Variants in DGKQ observed in about 807,000 individuals in gnomAD.
DGKQ encodes the protein diacylglycerol kinase theta, also known as DAG kinase theta.
DGKQ carries 97 observed loss-of-function variants against 104.2 expected under a neutral mutation model. The observed-to-expected ratio is 0.93, with a 90% confidence interval of 0.79 to 1.10. The LOEUF is 1.10. Among genes scored for constraint, DGKQ ranks in the 50% least tolerant of loss-of-function variants. The pLI is 0.00. For missense variants in DGKQ, 1,465 were observed against 1,352.1 expected (o/e 1.08, Z -1.31); for synonymous variants, 736 against 595.2 (o/e 1.24, Z -3.44).
At chr4:964,527 C>T (rs763403098) in intron 15 of DGKQ, among the ~76,000 whole-genome samples, 20 of 148,358 alleles carry the variant, frequency 1.3e-4, no homozygotes, top group Non-Finnish European at 2.7e-4. Context: ...ACGGACCAGA[C>T]CCCCGTTCCC....
intron 5 of DGKQ, 79 bp downstream of exon 5, chr4:968,203 A>T (rs1288893965): frequency 1.9e-6 from 1 of 522,852 alleles, no homozygotes; most frequent in African/African-American, 2.9e-5. Context: ...CGCCCCGCCA[A>T]CTCCTCCACC....
Position 960,730 on chromosome 4 carries a change from G to A in DGKQ, c.2728-9C>T, listed in dbSNP as rs765701087. ...TTCCTCAGCATGTGCACCTGTCCCA[G>A]GGCAGGGGACAGAGGACCAGGGTGA... On this transcript the variant is annotated splice_polypyrimidine_tract_variant and intron_variant, in intron 22 of 22. Coordinates refer to ENST00000273814, the MANE Select transcript of DGKQ (RefSeq NM_001347.4). 2 of 1,611,212 alleles carry A rather than the reference G, an allele frequency of 1.2e-6. No homozygotes were observed. The highest frequency in any genetic ancestry group is 8.5e-7 in the Non-Finnish European group (1 of 1,179,346).
intron 2 of DGKQ, among the ~76,000 whole-genome samples, chr4:969,738 T>C (rs188440081): frequency 0.025 from 3,728 of 151,574 alleles, 70 homozygotes; most frequent in Middle Eastern, 0.1. Context: ...GCCTCCCGAG[T>C]AGCTGGGACT....
chr4:967,061 G>A lies in DGKQ; in HGVS notation c.1221-7C>T. 1 of 1,551,360 alleles carries A rather than the reference G, an allele frequency of 6.4e-7. No homozygotes were observed. The highest frequency in any genetic ancestry group is 8.7e-7 in the Non-Finnish European group (1 of 1,147,224). The stretch of plus-strand genomic sequence containing the variant: ...CACGTAGGCCACGCCCACCCTGTGG[G>A]GACACAGTCTGAGCTGGAGCTCCCC... On this transcript the variant is annotated splice_region_variant and splice_polypyrimidine_tract_variant and intron_variant, in intron 9 of 22. Transcript: ENST00000273814.
chr4:967,199 G>A lies in DGKQ; in HGVS notation c.1150C>T (p.Pro384Ser), dbSNP rs1457195767. Reference sequence around the variant, plus strand: ...AGAGCCCGGATGACCCAGGCCTCTGGCGTGGCCTCGCCGGACCCGGGGCTT... The same window carrying A: ...AGAGCCCGGATGACCCAGGCCTCTGACGTGGCCTCGCCGGACCCGGGGCTT... The part of the protein sequence containing the change: ...GRSPGSGEAT[P>S]EAWVIRALPR... Residue 384 changes from proline to serine, a missense_variant, in exon 9 of 23, where the codon CCA (proline) becomes TCA (serine). Pro to Ser is a moderately conservative substitution (Grantham distance 74). Coordinates refer to ENST00000273814, the MANE Select transcript of DGKQ (RefSeq NM_001347.4). 7.5e-6 allele frequency: 12 copies of A among 1,593,222 alleles called. No homozygotes were observed. In the African/African-American group the frequency reaches 1.5e-4, roughly 20 times the overall value.
At position 967,822 on chromosome 4, in the gene DGKQ, ACCCCT is replaced by A. The variant is rs1712539854; in HGVS notation, c.812-25_812-21del. 1 of 1,576,656 alleles carries A rather than the reference ACCCCT, an allele frequency of 6.3e-7. No individual in the cohort carries two copies. Among genetic ancestry groups the A allele is most frequent in the Non-Finnish European group, 8.6e-7 (1 of 1,163,368 alleles). ...CCTCGCCTGCGGGTCGGGCACACGG[ACCCCT>A]CATTCAGTGCGCAGCCCCCAGCCCA... On this transcript the variant is annotated intron_variant, in intron 6 of 22. Coordinates refer to ENST00000273814, the MANE Select transcript of DGKQ (RefSeq NM_001347.4).
Position 967,121 on chromosome 4 carries a change from A to G in DGKQ, c.1220+8T>C, listed in dbSNP as rs1712433856. 6.4e-7 allele frequency: 1 copy of G among 1,573,530 alleles called. No individual in the cohort carries two copies. The highest frequency in any genetic ancestry group is 8.6e-7 in the Non-Finnish European group (1 of 1,158,012). ...CCAGCAGACCCTGAGCCTCGGGCCC[A>G]GTCTCACTTGAGCCAGCCAGGGTAG... On this transcript the variant is annotated splice_region_variant and intron_variant, in intron 9 of 22. Coordinates refer to ENST00000273814, the MANE Select transcript of DGKQ (RefSeq NM_001347.4).
Position 968,504 on chromosome 4 carries a change from C to T in DGKQ, c.512G>A (p.Cys171Tyr). 1 of 1,608,434 alleles carries T rather than the reference C, an allele frequency of 6.2e-7. No homozygotes were observed. The highest frequency in any genetic ancestry group is 8.5e-7 in the Non-Finnish European group (1 of 1,178,040). ...VPFACSDCRQ[C>Y]HQDGHQDHDT... ...GTGATCCTGGTGCCCATCCTGGTGG[C>T]ACTGGCGGCAGTCACTGCAGGCGAA... Residue 171 changes from cysteine to tyrosine, a missense_variant, in exon 4 of 23, where the codon TGC becomes TAC. Physicochemically the swap from Cys to Tyr is radical, Grantham distance 194. Coordinates refer to ENST00000273814, the MANE Select transcript of DGKQ (RefSeq NM_001347.4).
chr4:973,323 C>G lies in DGKQ; in HGVS notation c.160G>C (p.Gly54Arg). 6.9e-7 allele frequency: 1 copy of G among 1,447,376 alleles called. No homozygotes were observed. The highest frequency in any genetic ancestry group is 1.4e-5 in the South Asian group (1 of 73,508). The allele number at this position is 1,447,376 out of a possible 1,614,324, so 89.7% of individuals were successfully genotyped here. The stretch of plus-strand genomic sequence containing the variant: ...CTGTGTCCCGGCGCGGCAGCGGGGC[C>G]CGGGGCTCTGACGCCCGCCCGCTCG... ...GPERAGVRAPGPAAAPGHSFR... is the reference protein window; with the variant it reads ...GPERAGVRAPRPAAAPGHSFR... Residue 54 changes from glycine (G) to arginine (R), a missense_variant, in exon 1 of 23, where the codon GGC becomes CGC. Coordinates refer to ENST00000273814, the MANE Select transcript of DGKQ (RefSeq NM_001347.4).
At chr4:961,244 C>A in intron 21 of DGKQ, 43 bp from the exon 22 acceptor site, 2 of 1,469,084 alleles carry the variant, frequency 1.4e-6, no homozygotes, top group Non-Finnish European at 1.8e-6. Flanking sequence ...GGATCAGGGA[C>A]GCCCACCGCT....
At chr4:965,668 C>T in intron 13 of DGKQ, 139 bp from the exon 14 acceptor site, 1 of 998,612 alleles carries the variant, frequency 1.0e-6, no homozygotes, top group South Asian at 1.6e-5. Context: ...TGCCCCACTC[C>T]AGGAGCAGGA....
rs779552816 is a variant in DGKQ, at chr4:961,831, C to T, written c.2319G>A (p.Leu773=). Reference sequence around the variant, plus strand: ...CCCGCACGTACACACCCTTGTTGTGCAGCCTGCAGGACGGGGCAGGTCACC... The same window carrying T: ...CCCGCACGTACACACCCTTGTTGTGTAGCCTGCAGGACGGGGCAGGTCACC... ...EEEPGKFTSR[L]HNKGVYVRVG... is the part of the protein sequence containing the mutation. The change falls in exon 20 of 23, where the codon CTG becomes CTA. Residue 773 remains leucine, a synonymous_variant. Coordinates refer to ENST00000273814, the MANE Select transcript of DGKQ (RefSeq NM_001347.4). The T allele has an allele frequency of 1.0e-5, 16 of 1,597,918 alleles. No individual in the cohort carries two copies. The highest frequency in any genetic ancestry group is 2.7e-5 in the African/African-American group (2 of 74,868).
rs2153012157 is a variant in DGKQ, at chr4:973,427, C to T, written c.56G>A (p.Arg19His). The T allele has an allele frequency of 2.0e-6, 2 of 990,208 alleles. No individual in the cohort carries two copies. The highest frequency in any genetic ancestry group is 5.1e-4 in the Middle Eastern group (1 of 1,956). 61.3% of individuals were successfully genotyped at this position (990,208 alleles called of 1,614,324 possible). Residue 19 changes from arginine to histidine, a missense_variant, in exon 1 of 23, where the codon CGC becomes CAC. Transcript: ENST00000273814. ...ARAWLGGGSP[R>H]PGSPACSPVL... is the part of the protein sequence containing the mutation. ...GGGGCTGCAGGCCGGGCTGCCGGGG[C>T]GCGGGGAGCCGCCGCCCAGCCAGGC... is the stretch of plus-strand genomic sequence containing the variant.
In DGKQ at chr4:967,587, C is replaced by CG; in HGVS notation, c.948dup (p.Val317ArgfsTer42). 1 of 1,612,682 alleles carries CG rather than the reference C, an allele frequency of 6.2e-7. No individual in the cohort carries two copies. Among genetic ancestry groups the CG allele is most frequent in the South Asian group, 1.1e-5 (1 of 91,078 alleles). On this transcript the variant is annotated frameshift_variant, in exon 8 of 23. Transcript: ENST00000273814. LOFTEE classifies it high-confidence loss of function. ...GCACCGGCCAGGCGGGACACCGTGA[C>CG]GAGGCGGAACTGGCTTCTTCTCACC...
At chr4:965,055 A>C (rs1712194544) in intron 15 of DGKQ, 121 bp downstream of exon 15, 2 of 735,270 alleles carry the variant, frequency 2.7e-6, no homozygotes, top group Admixed American at 4.7e-5. Flanking sequence ...CAGTGAATTC[A>C]AGGAAGTGAT....
intron 15 of DGKQ, among the ~76,000 whole-genome samples, chr4:963,598 G>A (rs1712058660): frequency 6.6e-6 from 1 of 152,254 alleles, no homozygotes; most frequent in Non-Finnish European, 1.5e-5. Context: ...CCTGGGCCAT[G>A]CAGCGCGAGT....
In DGKQ at chr4:967,883, G is replaced by A. The variant is rs1268635732; in HGVS notation, c.808C>T (p.Pro270Ser). The A allele has an allele frequency of 9.0e-6, 13 of 1,451,050 alleles. No individual in the cohort carries two copies. Among genetic ancestry groups the A allele is most frequent in the Non-Finnish European group, 1.1e-5 (12 of 1,109,100 alleles). The allele number at this position is 1,451,050 out of a possible 1,614,324, so 89.9% of individuals were successfully genotyped here. ...CCCCGGCCGGCCCGCACCTCACCCG[G>A]CTCCGCGGCCTCCACGATGCGGAAG... is the stretch of plus-strand genomic sequence containing the variant. Reference protein sequence around the residue: ...QSFRIVEAAEPGEGGDGADGS... With the variant: ...QSFRIVEAAESGEGGDGADGS... The change falls in exon 6 of 23, where the codon CCG becomes TCG. Residue 270 changes from proline (P) to serine (S), a missense_variant. Transcript: ENST00000273814.
chr4:966,943 G>C lies in DGKQ; in HGVS notation c.1311+21C>G, dbSNP rs775600147. The C allele has an allele frequency of 2.6e-6, 4 of 1,554,286 alleles. No individual in the cohort carries two copies. In the South Asian group the frequency reaches 4.7e-5, roughly 18 times the overall value. ...CCCCACCGAGTCTGGCCGGCATGGG[G>C]AGCAGGCACAGGGTACGCACCTGGC... is the stretch of plus-strand genomic sequence containing the variant. On this transcript the variant is annotated intron_variant, in intron 10 of 22. Transcript: ENST00000273814.
Position 961,749 on chromosome 4 carries a change from C to A in DGKQ, c.2401G>T (p.Val801Leu). Residue 801 changes from valine to leucine, a missense_variant, in exon 20 of 23, where the codon GTG becomes TTG. Coordinates refer to ENST00000273814, the MANE Select transcript of DGKQ (RefSeq NM_001347.4). ...GGCAGCTCCACCTCCTGCCGCTCCA[C>A]CTGCAGCCGGATCTGCTTGTGCAGG... ...RSLHKQIRLQVERQEVELPSI... is the reference protein window; with the variant it reads ...RSLHKQIRLQLERQEVELPSI... 6.2e-7 allele frequency: 1 copy of A among 1,612,742 alleles called. No individual in the cohort carries two copies.
Sources: gnomAD v4.1 joint callset for allele counts (sites outside exome capture counted in the v4.1 genomes callset) on GRCh38, gnomAD v4.1.1 for gene constraint, MANE v1.5 for transcripts, NCBI Gene and HGNC (gene_info 2026-07-23, HGNC 2026-07-21) for gene names.